Variants in CTNNBL1 observed in about 807,000 individuals in gnomAD.
The protein encoded by CTNNBL1 is beta-catenin-like protein 1.
Under a neutral mutation model 72.7 loss-of-function variants are expected in CTNNBL1, and 31 were observed. The ratio of observed to expected loss-of-function variants is 0.43; its 90% CI spans 0.32 to 0.58. The LOEUF is 0.58. Ranked by LOEUF, CTNNBL1 falls within the 20% of genes least tolerant of loss-of-function variation. The probability of loss-of-function intolerance (pLI) is 0.08; values close to 1 mark genes in which losing one functional copy is unlikely to be tolerated. For synonymous variants in CTNNBL1, 240 were observed against 267.3 expected (o/e 0.90, Z 1.00); for missense variants, 534 against 725.1 (o/e 0.74, Z 3.03).
At chr20:37,797,354 C>CTTTTTTTT (rs76016183) in intron 10 of CTNNBL1, among the ~76,000 whole-genome samples, 4 of 103,942 alleles carry the variant, frequency 3.8e-5, no homozygotes, top group Non-Finnish European at 8.4e-5. Context: ...CACCTTGTTG[C>CTTTTTTTT]TTTTTTTTTT....
chr20:37,718,250 C>A (rs2073006801), intron 1 of CTNNBL1, among the ~76,000 whole-genome samples: 1 of 146,988 alleles, frequency 6.8e-6, no homozygotes, highest in Non-Finnish European at 1.5e-5. Context: ...ACCCCCCCAC[C>A]TCCCTCCCGG....
At chr20:37,718,857 A>G (rs547005161) in intron 1 of CTNNBL1, among the ~76,000 whole-genome samples, 1 of 152,250 alleles carries the variant, frequency 6.6e-6, no homozygotes, top group Non-Finnish European at 1.5e-5. Flanking sequence ...TATGCCTTGA[A>G]GATGATAATT....
chr20:37,822,359 G>T (rs1313354465), intron 11 of CTNNBL1, among the ~76,000 whole-genome samples: 1 of 152,136 alleles, frequency 6.6e-6, no homozygotes, highest in Non-Finnish European at 1.5e-5. Flanking sequence ...TTGGCTGCCC[G>T]TCATTCCCTT....
chr20:37,866,433 C>A (rs918101517), intron 15 of CTNNBL1, among the ~76,000 whole-genome samples: 1 of 152,198 alleles, frequency 6.6e-6, no homozygotes, highest in African/African-American at 2.4e-5. Context: ...TCAGGCAGCT[C>A]TTCCCCTCTC....
intron 2 of CTNNBL1, among the ~76,000 whole-genome samples, chr20:37,737,069 A>G (rs2122606308): frequency 6.6e-6 from 1 of 151,944 alleles, no homozygotes; most frequent in Admixed American, 6.5e-5. Context: ...TAAAAATACA[A>G]AAAAATTAGC....
chr20:37,786,870 G>A (rs889371003), intron 10 of CTNNBL1, among the ~76,000 whole-genome samples: 4 of 152,062 alleles, frequency 2.6e-5, no homozygotes, highest in African/African-American at 4.8e-5. Context: ...AGAAAATAGA[G>A]GCTATAAAAT....
At chr20:37,800,964 T>C (rs2073819318) in intron 10 of CTNNBL1, among the ~76,000 whole-genome samples, 1 of 152,232 alleles carries the variant, frequency 6.6e-6, no homozygotes, top group Non-Finnish European at 1.5e-5. Context: ...CTCAACACAA[T>C]GTTACTCCTT....
intron 11 of CTNNBL1, among the ~76,000 whole-genome samples, chr20:37,832,755 A>G (rs1482042820): frequency 6.6e-6 from 1 of 151,502 alleles, no homozygotes; most frequent in African/African-American, 2.4e-5. Flanking sequence ...AGAATGGGTA[A>G]TGTTAACCAA....
rs2073833008 is a variant in CTNNBL1, at chr20:37,802,766, A to G, written c.1032-101A>G. 4.4e-6 allele frequency: 4 copies of G among 901,542 alleles called. No individual in the cohort carries two copies. The Admixed American group carries it at 7.1e-5, about 16-fold the overall frequency. The allele number at this position is 901,542 out of a possible 1,614,324, so 55.8% of individuals were successfully genotyped here. A position where few individuals can be genotyped will look rare whatever the true frequency, so the allele number is the denominator to read the frequency against. On this transcript the variant is annotated intron_variant, in intron 10 of 15. Transcript: ENST00000361383. Reference sequence around the variant, plus strand: ...TTGTTAACAAGTATGTAATATTTCCATTTAGATGTATAATGTGTACGGCAG... The same window carrying G: ...TTGTTAACAAGTATGTAATATTTCCGTTTAGATGTATAATGTGTACGGCAG...
chr20:37,863,182 TG>T (rs371789643), intron 15 of CTNNBL1, among the ~76,000 whole-genome samples: 8 of 152,194 alleles, frequency 5.3e-5, no homozygotes, highest in Non-Finnish European at 8.8e-5. Context: ...TGCTGTGCTA[TG>T]GAGGTGTCAC....
intron 13 of CTNNBL1, among the ~76,000 whole-genome samples, chr20:37,857,222 A>T (rs531809411): frequency 3.9e-5 from 6 of 152,342 alleles, no homozygotes; most frequent in African/African-American, 1.4e-4. Context: ...CTCGTTGGAC[A>T]TGAGTCCAGT....
At chr20:37,824,500 A>G (rs977124524) in intron 11 of CTNNBL1, among the ~76,000 whole-genome samples, 2 of 152,214 alleles carry the variant, frequency 1.3e-5, no homozygotes, top group Admixed American at 6.5e-5. Flanking sequence ...GGCCCTACTT[A>G]GGACTTCCTA....
chr20:37,704,851 AC>A (rs992921140), intron 1 of CTNNBL1, among the ~76,000 whole-genome samples: 4 of 152,216 alleles, frequency 2.6e-5, no homozygotes, highest in Non-Finnish European at 5.9e-5. Flanking sequence ...CTTCAGTCCT[AC>A]CTAGTTCAGC....
intron 13 of CTNNBL1, among the ~76,000 whole-genome samples, chr20:37,855,137 C>G (rs1186009210): frequency 6.7e-6 from 1 of 149,212 alleles, no homozygotes; most frequent in African/African-American, 2.5e-5. Context: ...TCCCCTTACC[C>G]CTTTCTAATG....
chr20:37,805,628 C>T (rs896960596), intron 11 of CTNNBL1, among the ~76,000 whole-genome samples: 1 of 152,010 alleles, frequency 6.6e-6, no homozygotes, highest in Non-Finnish European at 1.5e-5. Flanking sequence ...AACTCCTGAC[C>T]TCAAGTGATC....
chr20:37,773,109 C>G (rs899247336), intron 7 of CTNNBL1, among the ~76,000 whole-genome samples: 3 of 152,136 alleles, frequency 2.0e-5, no homozygotes, highest in Non-Finnish European at 2.9e-5. Flanking sequence ...CTCTTGTTAC[C>G]CAGTTAAATC....
intron 10 of CTNNBL1, among the ~76,000 whole-genome samples, chr20:37,802,617 T>A (rs1215702022): frequency 6.6e-6 from 1 of 152,228 alleles, no homozygotes; most frequent in Admixed American, 6.5e-5. Context: ...TCCAGTCACT[T>A]TTAATGTACA....
chr20:37,715,263 C>G (rs570868667), intron 1 of CTNNBL1, among the ~76,000 whole-genome samples: 1 of 152,332 alleles, frequency 6.6e-6, no homozygotes, highest in Non-Finnish European at 1.5e-5. Context: ...CCACTATTTT[C>G]TAGCTCTTTG....
chr20:37,697,180 TCTCA>T (rs1388477851), intron 1 of CTNNBL1, among the ~76,000 whole-genome samples: 1 of 151,578 alleles, frequency 6.6e-6, no homozygotes, highest in East Asian at 1.9e-4. Context: ...CGAAACTCTC[TCTCA>T]AAGAAAAAAA....
Sources: gnomAD v4.1 joint callset for allele counts (sites outside exome capture counted in the v4.1 genomes callset) on GRCh38, gnomAD v4.1.1 for gene constraint, MANE v1.5 for transcripts, NCBI Gene and HGNC (gene_info 2026-07-23, HGNC 2026-07-21) for gene names.